Variants in ARHGAP32 observed in about 807,000 individuals in gnomAD.
ARHGAP32 encodes rho GTPase-activating protein 32.
ARHGAP32 carries 51 observed loss-of-function variants against 186.5 expected under a neutral mutation model. The ratio of observed to expected loss-of-function variants is 0.27; its 90% CI spans 0.22 to 0.35. The LOEUF is 0.35. Ranked by LOEUF, ARHGAP32 falls within the 10% of genes least tolerant of loss-of-function variation. The probability of loss-of-function intolerance (pLI) is 1.00; values close to 1 mark genes in which losing one functional copy is unlikely to be tolerated. For synonymous variants in ARHGAP32, 950 were observed against 964.3 expected (o/e 0.99, Z 0.27); for missense variants, 2,186 against 2,623.5 (o/e 0.83, Z 3.64).
intron 1 of ARHGAP32, among the ~76,000 whole-genome samples, chr11:129,219,301 T>C (rs1944684420): frequency 1.3e-5 from 2 of 152,324 alleles, no homozygotes; most frequent in South Asian, 4.1e-4. Context: ...CATTCTCTCA[T>C]TCTTTATCCA....
chr11:129,116,070 G>A (rs147923939), intron 5 of ARHGAP32, among the ~76,000 whole-genome samples: 1 of 152,124 alleles, frequency 6.6e-6, no homozygotes, highest in African/African-American at 2.4e-5. Context: ...AGTAAACAAG[G>A]GCTTAATTTC....
Position 129,090,537 on chromosome 11 carries a change from A to C in ARHGAP32, c.531+3084T>G, listed in dbSNP as rs1355883071. 6.6e-5 allele frequency among the ~76,000 whole-genome samples: 10 copies of C among 152,322 alleles called. 1 individual carries two copies. In the South Asian group the frequency reaches 2.1e-3, roughly 32 times the overall value. On this transcript the variant is annotated intron_variant, in intron 6 of 22. Coordinates refer to ENST00000682385, the MANE Select transcript of ARHGAP32 (RefSeq NM_001378024.1). ...ACTATAAAGCTGACAGTGAAACATTAAAATCCTAAGTATTTTACTAAGCAA... is the reference window on the plus strand; with the variant it reads ...ACTATAAAGCTGACAGTGAAACATTCAAATCCTAAGTATTTTACTAAGCAA...
intron 5 of ARHGAP32, among the ~76,000 whole-genome samples, chr11:129,122,312 GTTCA>G (rs1175417847): frequency 6.6e-6 from 1 of 151,084 alleles, no homozygotes; most frequent in African/African-American, 2.4e-5. Flanking sequence ...CCCCAAAAGA[GTTCA>G]TTCAACCTTG....
chr11:129,080,994 A>G (rs1294927399), intron 6 of ARHGAP32, among the ~76,000 whole-genome samples: 1 of 152,102 alleles, frequency 6.6e-6, no homozygotes, highest in Non-Finnish European at 1.5e-5. Context: ...TGCATAAACT[A>G]GAAAACCTAG....
At chr11:129,245,800 T>C (rs1252819798) in intron 1 of ARHGAP32, among the ~76,000 whole-genome samples, 1 of 151,894 alleles carries the variant, frequency 6.6e-6, no homozygotes, top group Non-Finnish European at 1.5e-5. Flanking sequence ...ACATGCATAA[T>C]TCATTGTGTT....
At chr11:129,193,689 T>TATATAA (rs1555111367), upstream of ARHGAP32, among the ~76,000 whole-genome samples, 1 of 24,418 alleles carries the variant, frequency 4.1e-5, no homozygotes, top group African/African-American at 1.6e-4. Context: ...ATAATATATA[T>TATATAA]TATATAATAT....
At chr11:129,276,558 C>CTAA (rs2135735931) in intron 1 of ARHGAP32, among the ~76,000 whole-genome samples, 1 of 152,320 alleles carries the variant, frequency 6.6e-6, no homozygotes, top group East Asian at 1.9e-4. Context: ...CCTCCCACCT[C>CTAA]TGCCTGCCAA....
At chr11:129,180,672 G>A (rs1382882870) in intron 1 of ARHGAP32, among the ~76,000 whole-genome samples, 2 of 152,090 alleles carry the variant, frequency 1.3e-5, no homozygotes, top group Non-Finnish European at 2.9e-5. Context: ...TATGCTTAAA[G>A]TGTTTGATTG....
At chr11:129,228,803 C>T (rs1301995849) in intron 1 of ARHGAP32, among the ~76,000 whole-genome samples, 1 of 152,120 alleles carries the variant, frequency 6.6e-6, no homozygotes, top group Non-Finnish European at 1.5e-5. Flanking sequence ...ACCACCATGG[C>T]ATACGTTTAC....
intron 1 of ARHGAP32, among the ~76,000 whole-genome samples, chr11:129,231,639 G>T (rs1818044146): frequency 6.6e-6 from 1 of 152,018 alleles, no homozygotes; most frequent in Non-Finnish European, 1.5e-5. Context: ...TATAAAAGTA[G>T]TACACCTAAT....
At chr11:129,213,873 G>A (rs1398734665) in intron 1 of ARHGAP32, among the ~76,000 whole-genome samples, 1 of 152,008 alleles carries the variant, frequency 6.6e-6, no homozygotes, top group Admixed American at 6.6e-5. Context: ...GTTTTGTAGG[G>A]CGAAAAGTCA....
intron 11 of ARHGAP32, among the ~76,000 whole-genome samples, chr11:128,999,701 A>T (rs981018300): frequency 1.3e-5 from 2 of 152,166 alleles, no homozygotes; most frequent in African/African-American, 4.8e-5. Context: ...CTTTGGGAAA[A>T]TAGAAAAGAA....
rs138878459 is a variant in ARHGAP32 at position 129,162,277 on chromosome 11, C to T, written c.225+2042G>A. On this transcript the variant is annotated intron_variant, in intron 2 of 22. Transcript: ENST00000682385. ...ACCTGCATGTTCTGCACATGTACTC[C>T]GGAACTTAAAAGTATAATAATAAAA... Among the ~76,000 whole-genome samples, 645 of 151,990 alleles carry T rather than the reference C, an allele frequency of 4.2e-3. 12 individuals are homozygous for T. The highest frequency in any genetic ancestry group is 0.015 in the African/African-American group (609 of 41,456).
chr11:129,245,656 A>AAAT (rs56047154), intron 1 of ARHGAP32, among the ~76,000 whole-genome samples: 162 of 146,248 alleles, frequency 1.1e-3, no homozygotes, highest in South Asian at 2.2e-3. Context: ...CAACAGATTA[A>AAAT]AATAATAATA....
chr11:129,049,689 C>T (rs1939959175), intron 10 of ARHGAP32, among the ~76,000 whole-genome samples: 1 of 152,172 alleles, frequency 6.6e-6, no homozygotes, highest in Admixed American at 6.5e-5. Flanking sequence ...GAGGATCACT[C>T]ATGTTGCTGT....
chr11:129,196,485 C>T (rs1272454271), upstream of ARHGAP32, among the ~76,000 whole-genome samples: 1 of 152,132 alleles, frequency 6.6e-6, no homozygotes, highest in Non-Finnish European at 1.5e-5. Flanking sequence ...ATAGGTAATA[C>T]GTAAATACTA....
chr11:129,196,970 T>A (rs780580748), upstream of ARHGAP32, among the ~76,000 whole-genome samples: 1 of 151,968 alleles, frequency 6.6e-6, no homozygotes, highest in African/African-American at 2.4e-5. Context: ...GGCAGGAGAA[T>A]AGCTTCAGCC....
At chr11:129,143,523 G>A (rs993319146) in intron 2 of ARHGAP32, among the ~76,000 whole-genome samples, 17 of 152,112 alleles carry the variant, frequency 1.1e-4, no homozygotes, top group African/African-American at 3.6e-4. Context: ...TGGACTACCC[G>A]CCGGTGACTC....
At chr11:129,232,132 T>C (rs1470370168) in intron 1 of ARHGAP32, among the ~76,000 whole-genome samples, 1 of 151,798 alleles carries the variant, frequency 6.6e-6, no homozygotes, top group African/African-American at 2.4e-5. Context: ...GATACCAGTA[T>C]TATCCTAATA....
Sources: allele counts gnomAD v4.1 joint callset (sites outside exome capture counted in the v4.1 genomes callset), GRCh38; gene constraint gnomAD v4.1.1; transcripts MANE v1.5; gene names NCBI Gene and HGNC (gene_info 2026-07-23, HGNC 2026-07-21).